The following SERPINI2 variants were observed in gnomAD, a reference collection of about 807,000 sequenced individuals.
SERPINI2 encodes serpin family I member 2, also known as serpin I2.
Under a neutral mutation model 47.3 loss-of-function variants are expected in SERPINI2, and 48 were observed. The observed-to-expected ratio is 1.02, with a 90% CI of 0.81 to 1.29. The LOEUF is 1.29. SERPINI2 is among the 50% of genes most tolerant of loss of function. The pLI, the probability that SERPINI2 is intolerant of heterozygous loss-of-function variation, is 0.00. For missense variants in SERPINI2, 448 were observed against 456.9 expected (o/e 0.98, Z 0.18); for synonymous variants, 135 against 149.3 (o/e 0.90, Z 0.70).
chr3:167,459,519 G>A (rs1206020228), intron 5 of SERPINI2, among the ~76,000 whole-genome samples: 1 of 151,958 alleles, frequency 6.6e-6, no homozygotes, highest in African/African-American at 2.4e-5. Context: ...ATAATGGGAA[G>A]CACTCGAGTA....
At chr3:167,470,168 G>A (rs559219716) in intron 2 of SERPINI2, among the ~76,000 whole-genome samples, 2 of 152,198 alleles carry the variant, frequency 1.3e-5, no homozygotes, top group South Asian at 4.1e-4. Flanking sequence ...TGGTTTAAAC[G>A]TTTCTGGGAG....
exon 3 of SERPINI2, chr3:167,467,243 G>A: frequency 6.2e-7 from 1 of 1,612,548 alleles, no homozygotes; most frequent in Non-Finnish European, 8.5e-7. Context: ...TTTTTTCTCT[G>A]AGATGGCAGA....
chr3:167,472,118 A>C (rs1302481610), intron 1 of SERPINI2, among the ~76,000 whole-genome samples: 1 of 152,108 alleles, frequency 6.6e-6, no homozygotes, highest in Non-Finnish European at 1.5e-5. Context: ...GAATGTTATC[A>C]ATGGCAATGG....
chr3:167,442,506 G>T (rs1749356105), intron 8 of SERPINI2, among the ~76,000 whole-genome samples: 1 of 152,162 alleles, frequency 6.6e-6, no homozygotes, highest in African/African-American at 2.4e-5. Context: ...CCAGTCCGGA[G>T]AACATAGCAT....
At position 167,465,405 on chromosome 3, in the gene SERPINI2, T is replaced by C; in HGVS notation, c.674-7A>G. ...GAAGATTCAGAAAAATAACCTGGAA[T>C]AGACAAAATAAAATATCAAATATAC... On this transcript the variant is annotated splice_region_variant and splice_polypyrimidine_tract_variant and intron_variant, in intron 4 of 8. Transcript: ENST00000264677. 1.9e-6 allele frequency: 3 copies of C among 1,602,436 alleles called. No individual in the cohort carries two copies. The highest frequency in any genetic ancestry group is 2.5e-6 in the Non-Finnish European group (3 of 1,177,188).
At chr3:167,443,227 C>T (rs1233777907) in intron 8 of SERPINI2, among the ~76,000 whole-genome samples, 3 of 152,196 alleles carry the variant, frequency 2.0e-5, no homozygotes, top group African/African-American at 7.2e-5. Context: ...CCTGCCTCAG[C>T]CTCCCGAGTA....
At chr3:167,449,177 A>G in intron 7 of SERPINI2, 139 bp downstream of exon 7, 4 of 657,878 alleles carry the variant, frequency 6.1e-6, no homozygotes, top group East Asian at 5.7e-5. Flanking sequence ...GTATACAACC[A>G]TTTCCTTTTT....
intron 2 of SERPINI2, among the ~76,000 whole-genome samples, chr3:167,468,969 C>T (rs1284949508): frequency 6.6e-6 from 1 of 152,012 alleles, no homozygotes; most frequent in Non-Finnish European, 1.5e-5. Flanking sequence ...AATCATTTGT[C>T]AAAGCAAATA....
At chr3:167,441,996 A>T in exon 9 of SERPINI2, 3 of 702,438 alleles carry the variant, frequency 4.3e-6, no homozygotes, top group Non-Finnish European at 6.6e-6. Flanking sequence ...CTACAGGCAC[A>T]GTTTAAAACA....
intron 5 of SERPINI2, among the ~76,000 whole-genome samples, chr3:167,459,774 T>C (rs902249959): frequency 2.0e-5 from 3 of 151,980 alleles, no homozygotes; most frequent in African/African-American, 4.8e-5. Context: ...ATGGGTTGAA[T>C]TGTGCATACC....
chr3:167,442,509 C>T (rs1242485524), intron 8 of SERPINI2, among the ~76,000 whole-genome samples: 4 of 152,182 alleles, frequency 2.6e-5, no homozygotes, highest in Admixed American at 1.3e-4. Context: ...GTCCGGAGAA[C>T]ATAGCATAAT....
chr3:167,472,341 AT>A (rs1265187847), intron 1 of SERPINI2, among the ~76,000 whole-genome samples: 1 of 152,040 alleles, frequency 6.6e-6, no homozygotes, highest in Non-Finnish European at 1.5e-5. Context: ...CAACTGAGTA[AT>A]CTGGCTAACT....
At chr3:167,445,265 C>T (rs151005720) in intron 8 of SERPINI2, among the ~76,000 whole-genome samples, 25 of 152,278 alleles carry the variant, frequency 1.6e-4, no homozygotes, top group African/African-American at 6.0e-4. Context: ...GATTCAGATT[C>T]TGCAATTAAC....
chr3:167,452,992 T>C (rs1300698179), exon 6 of SERPINI2: 1 of 1,605,612 alleles, frequency 6.2e-7, no homozygotes, highest in African/African-American at 1.3e-5. Flanking sequence ...GTTCAAAGAA[T>C]ACAAAACGTC....
intron 5 of SERPINI2, among the ~76,000 whole-genome samples, chr3:167,458,969 T>A (rs1749896127): frequency 6.6e-6 from 1 of 152,192 alleles, no homozygotes; most frequent in East Asian, 1.9e-4. Context: ...TTTTTGCCCA[T>A]ACACACAGTT....
chr3:167,469,659 T>G (rs1328198319), intron 2 of SERPINI2: 1 of 152,136 alleles, frequency 6.6e-6, no homozygotes, highest in East Asian at 1.9e-4. Context: ...AAAGGGAGTA[T>G]TAACAGATGT....
At chr3:167,442,605 A>G (rs1221948217) in intron 8 of SERPINI2, among the ~76,000 whole-genome samples, 1 of 152,218 alleles carries the variant, frequency 6.6e-6, no homozygotes, top group Non-Finnish European at 1.5e-5. Flanking sequence ...TTAAGGGCTA[A>G]AAGTGCAACT....
chr3:167,450,633 T>A (rs1379410932), intron 6 of SERPINI2, among the ~76,000 whole-genome samples: 1 of 152,082 alleles, frequency 6.6e-6, no homozygotes, highest in African/African-American at 2.4e-5. Flanking sequence ...GCATCCACAC[T>A]ATTAGTGTGA....
rs759184959 is a variant in SERPINI2 at position 167,465,533 on chromosome 3, TTTTC to T, written c.615_618del (p.Lys206MetfsTer9). ...ATTGGAATTTTGACAGTTGAACCAT[TTTTC>T]TTAGTAAAATTTATCAGCTGTGTGT... On this transcript the variant is annotated frameshift_variant, in exon 4 of 9. Transcript: ENST00000264677. LOFTEE classifies it high-confidence loss of function. 884 of 1,613,864 alleles carry T rather than the reference TTTTC, an allele frequency of 5.5e-4. No homozygotes were observed. Among genetic ancestry groups the T allele is most frequent in the Non-Finnish European group, 6.9e-4 (813 of 1,179,918 alleles).
Sources: allele counts gnomAD v4.1 joint callset (sites outside exome capture counted in the v4.1 genomes callset), GRCh38; gene constraint gnomAD v4.1.1; transcripts MANE v1.5; gene names NCBI Gene and HGNC (gene_info 2026-07-23, HGNC 2026-07-21).